The following LRP1B variants were observed in gnomAD, a reference collection of about 807,000 sequenced individuals.
The protein encoded by LRP1B is low-density lipoprotein receptor-related protein 1B.
LRP1B carries 217 observed loss-of-function variants against 556.6 expected under a neutral mutation model. That is an observed-to-expected ratio of 0.39 (90% CI 0.35 to 0.44). The LOEUF is 0.44. Ranked by LOEUF, LRP1B falls within the 20% of genes least tolerant of loss-of-function variation. LRP1B has a pLI of 1.00. For synonymous variants in LRP1B, 2,047 were observed against 1,865.8 expected (o/e 1.10, Z -2.50); for missense variants, 5,053 against 5,620.8 (o/e 0.90, Z 3.23).
intron 7 of LRP1B, among the ~76,000 whole-genome samples, chr2:141,092,765 G>T (rs994253821): frequency 6.6e-6 from 1 of 152,142 alleles, no homozygotes; most frequent in African/African-American, 2.4e-5. Flanking sequence ...GAGAGAGAGT[G>T]ATCAACTGTG....
chr2:141,971,227 A>G (rs182923179), intron 1 of LRP1B, among the ~76,000 whole-genome samples: 16 of 151,640 alleles, frequency 1.1e-4, no homozygotes, highest in Non-Finnish European at 1.6e-4. Context: ...CTAATATTTC[A>G]CACGTGTATC....
intron 6 of LRP1B, among the ~76,000 whole-genome samples, chr2:141,190,840 T>C (rs1230419991): frequency 1.3e-5 from 2 of 151,978 alleles, no homozygotes; most frequent in African/African-American, 2.4e-5. Flanking sequence ...CTTTGGCATA[T>C]TGAAGGAATT....
intron 43 of LRP1B, among the ~76,000 whole-genome samples, chr2:140,546,586 A>G (rs1680348463): frequency 6.6e-6 from 1 of 152,010 alleles, no homozygotes; most frequent in African/African-American, 2.4e-5. Context: ...GTGATAACTC[A>G]CTCACTATCA....
intron 2 of LRP1B, among the ~76,000 whole-genome samples, chr2:141,531,277 G>T (rs924926450): frequency 6.7e-6 from 1 of 149,168 alleles, no homozygotes; most frequent in East Asian, 2.1e-4. Context: ...ATATTATCAC[G>T]TTAATATTTC....
At chr2:142,060,051 C>T (rs368907381) in intron 1 of LRP1B, among the ~76,000 whole-genome samples, 2 of 152,012 alleles carry the variant, frequency 1.3e-5, no homozygotes, top group East Asian at 1.9e-4. Flanking sequence ...GATGAAAACT[C>T]GGGAGCTCTT....
Position 141,517,029 on chromosome 2 carries a change from A to AAAAAAAAAAAAAAAAAAAAC in LRP1B, c.206-36497_206-36496insGTTTTTTTTTTTTTTTTTTT, listed in dbSNP as rs772472942. On this transcript the variant is annotated intron_variant, in intron 2 of 90. Coordinates refer to ENST00000389484, the MANE Select transcript of LRP1B (RefSeq NM_018557.3). ...TAAAAAAAAAAAAAAAAAAAAAAAAAAAAGTAAATCAATGAAATAATTTAA... is the reference window on the plus strand; with the variant it reads ...TAAAAAAAAAAAAAAAAAAAAAAAAAAAAAAAAAAAAAAAAAAAACAAAGTAAATCAATGAAATAATTTAA... Among the ~76,000 whole-genome samples the AAAAAAAAAAAAAAAAAAAAC allele has an allele frequency of 1.6e-4, 14 of 90,174 alleles. 2 individuals are homozygous for AAAAAAAAAAAAAAAAAAAAC. The highest frequency in any genetic ancestry group is 8.6e-4 in the South Asian group (2 of 2,336). The allele number at this position is 90,174 out of a possible 152,430, so 59.2% of individuals were successfully genotyped here.
intron 32 of LRP1B, among the ~76,000 whole-genome samples, chr2:140,794,083 A>T (rs1690214221): frequency 6.6e-6 from 1 of 152,140 alleles, no homozygotes; most frequent in Non-Finnish European, 1.5e-5. Flanking sequence ...GTTTCTGAAT[A>T]GGAAATATAA....
At position 141,508,695 on chromosome 2, in the gene LRP1B, A is replaced by G. The variant is rs77072792; in HGVS notation, c.206-28162T>C. Among the ~76,000 whole-genome samples, 414 of 152,244 alleles carry G rather than the reference A, an allele frequency of 2.7e-3. 12 individuals carry two copies. The East Asian group carries it at 0.057, about 21-fold the overall frequency. On this transcript the variant is annotated intron_variant, in intron 2 of 90. Transcript: ENST00000389484. ...GTTAAATACTTTTTGAAAATTATCA[A>G]TAATTACTAGGAAGAGGCAAGTGTT...
rs558578012 is a variant in LRP1B, at chr2:141,137,706, A to G, written c.1013+50715T>C. 2.6e-5 allele frequency among the ~76,000 whole-genome samples: 4 copies of G among 152,050 alleles called. No individual in the cohort carries two copies. The East Asian group carries it at 5.8e-4, about 22-fold the overall frequency. The stretch of plus-strand genomic sequence containing the variant: ...AATATATGTCACACATGCAATAATG[A>G]TATTTTATTCATCAACAAATAAATA... On this transcript the variant is annotated intron_variant, in intron 7 of 90. Transcript: ENST00000389484.
intron 1 of LRP1B, among the ~76,000 whole-genome samples, chr2:141,932,077 A>G (rs994615577): frequency 6.6e-6 from 1 of 152,042 alleles, no homozygotes; most frequent in Admixed American, 6.6e-5. Context: ...AGGGGTAATG[A>G]GAAAAGATAA....
At chr2:140,546,967 C>T (rs1292439229) in intron 43 of LRP1B, among the ~76,000 whole-genome samples, 2 of 152,032 alleles carry the variant, frequency 1.3e-5, no homozygotes, top group South Asian at 2.1e-4. Context: ...TATTGATTTG[C>T]ATATGTTGAA....
chr2:141,308,033 G>T (rs1474177977), intron 3 of LRP1B, among the ~76,000 whole-genome samples: 3 of 152,162 alleles, frequency 2.0e-5, no homozygotes, highest in African/African-American at 7.2e-5. Flanking sequence ...GGTTGGATGT[G>T]CTACCTTATG....
chr2:141,832,189 T>A (rs1366895508), intron 1 of LRP1B, among the ~76,000 whole-genome samples: 1 of 151,736 alleles, frequency 6.6e-6, no homozygotes, highest in East Asian at 1.9e-4. Context: ...ATCTTTCTTC[T>A]CTGGTTCATT....
Position 141,629,665 on chromosome 2 carries a change from C to T in LRP1B, c.206-149132G>A, listed in dbSNP as rs533360341. Among the ~76,000 whole-genome samples, 11 of 152,236 alleles carry T rather than the reference C, an allele frequency of 7.2e-5. No individual in the cohort carries two copies. In the South Asian group the frequency reaches 1.9e-3, roughly 26 times the overall value. On this transcript the variant is annotated intron_variant, in intron 2 of 90. Coordinates refer to ENST00000389484, the MANE Select transcript of LRP1B (RefSeq NM_018557.3). Reference sequence around the variant, plus strand: ...CTGCCTTCACCCTTTCCACCTTTCACTAATTGTATGAGGTTGGTATTTCCA... The same window carrying T: ...CTGCCTTCACCCTTTCCACCTTTCATTAATTGTATGAGGTTGGTATTTCCA...
At chr2:141,200,483 C>G (rs1008281240) in intron 6 of LRP1B, among the ~76,000 whole-genome samples, 2 of 151,694 alleles carry the variant, frequency 1.3e-5, no homozygotes, top group African/African-American at 2.4e-5. Context: ...ACTTAGCCCT[C>G]AAGACAAAAT....
chr2:140,402,397 T>C (rs1198617619), intron 66 of LRP1B, among the ~76,000 whole-genome samples: 1 of 152,168 alleles, frequency 6.6e-6, no homozygotes, highest in Non-Finnish European at 1.5e-5. Context: ...ACTGCAGACA[T>C]GGCTGGGGCT....
At chr2:141,903,654 C>G (rs778812727) in intron 1 of LRP1B, among the ~76,000 whole-genome samples, 8 of 151,820 alleles carry the variant, frequency 5.3e-5, no homozygotes, top group Non-Finnish European at 1.0e-4. Flanking sequence ...ATTTATTGAG[C>G]ATTTTCTACA....
intron 3 of LRP1B, among the ~76,000 whole-genome samples, chr2:141,266,673 T>A (rs1273678124): frequency 6.6e-6 from 1 of 152,214 alleles, no homozygotes; most frequent in African/African-American, 2.4e-5. Flanking sequence ...ACTGCTTATT[T>A]TGAATCTCCA....
intron 21 of LRP1B, among the ~76,000 whole-genome samples, chr2:140,922,675 A>C (rs1479903714): frequency 2.6e-5 from 4 of 151,720 alleles, no homozygotes; most frequent in Admixed American, 2.6e-4. Context: ...TAAACAAATA[A>C]ATTAATTAAT....
Sources: allele counts gnomAD v4.1 joint callset (sites outside exome capture counted in the v4.1 genomes callset), GRCh38; gene constraint gnomAD v4.1.1; transcripts MANE v1.5; gene names NCBI Gene and HGNC (gene_info 2026-07-23, HGNC 2026-07-21).